TECPR2: variants seen among roughly 807,000 people sequenced by gnomAD.
The protein encoded by TECPR2 is tectonin beta-propeller repeat-containing protein 2.
In TECPR2, 65 loss-of-function variants were observed where a neutral mutation model predicts 138.1. The ratio of observed to expected loss-of-function variants is 0.47; its 90% CI spans 0.39 to 0.58. The LOEUF is 0.58. Among genes scored for constraint, TECPR2 ranks in the 20% least tolerant of loss-of-function variants. The probability of loss-of-function intolerance (pLI) is 0.00; values close to 1 mark genes in which losing one functional copy is unlikely to be tolerated. For missense variants in TECPR2, 1,553 were observed against 1,824.5 expected (o/e 0.85, Z 2.71); for synonymous variants, 746 against 749.8 (o/e 0.99, Z 0.08).
At chr14:102,386,851 G>T (rs1292824623) in intron 2 of TECPR2, among the ~76,000 whole-genome samples, 2 of 152,128 alleles carry the variant, frequency 1.3e-5, no homozygotes, top group African/African-American at 4.8e-5. Flanking sequence ...AGCTGGCTGG[G>T]TCTTAGAATC....
At chr14:102,380,930 G>A (rs1410102340) in intron 2 of TECPR2, among the ~76,000 whole-genome samples, 4 of 150,730 alleles carry the variant, frequency 2.7e-5, no homozygotes, top group Admixed American at 6.6e-5. Context: ...TGCCCGCCTC[G>A]GCCTCCCAAA....
At chr14:102,440,330 A>G (rs1221289070) in intron 10 of TECPR2, 106 bp from the exon 11 acceptor site, 2 of 1,447,472 alleles carry the variant, frequency 1.4e-6, no homozygotes, top group East Asian at 2.3e-5. Flanking sequence ...ACAGAACAGG[A>G]TGTGTTTTAG....
At chr14:102,404,134 G>A (rs1021375208) in intron 2 of TECPR2, among the ~76,000 whole-genome samples, 7 of 151,442 alleles carry the variant, frequency 4.6e-5, no homozygotes, top group Non-Finnish European at 1.0e-4. Context: ...GAACTCCTGG[G>A]CTCAAGTGAT....
At chr14:102,425,367 GGACCTCA>G (rs1423685497) in intron 6 of TECPR2, 76 bp downstream of exon 6, 1 of 1,446,176 alleles carries the variant, frequency 6.9e-7, no homozygotes, top group African/African-American at 1.4e-5. Context: ...TTCTACTCAG[GGACCTCA>G]GAATGCTACC....
chr14:102,492,804 G>A lies in TECPR2; in HGVS notation c.3790-4175G>A, dbSNP rs532958672. Among the ~76,000 whole-genome samples the A allele has an allele frequency of 1.2e-4, 18 of 152,374 alleles. No homozygotes were observed. In the South Asian group the frequency reaches 3.7e-3, roughly 32 times the overall value. ...GGGACGACTGGCAAGGCCAGGGTGA[G>A]GCTGGGCCCCGCTTGCTCTTCCCAC... On this transcript the variant is annotated intron_variant, in intron 17 of 19. Coordinates refer to ENST00000359520, the MANE Select transcript of TECPR2 (RefSeq NM_014844.5).
intron 2 of TECPR2, among the ~76,000 whole-genome samples, chr14:102,397,000 T>A (rs1888333247): frequency 6.6e-6 from 1 of 152,212 alleles, no homozygotes; most frequent in Non-Finnish European, 1.5e-5. Context: ...TCCTGCTCCC[T>A]TGCTTCACTT....
chr14:102,380,782 G>A (rs138188803), intron 2 of TECPR2, among the ~76,000 whole-genome samples: 4,008 of 152,248 alleles, frequency 0.026, 88 homozygotes, highest in South Asian at 0.097. Context: ...GGGTTCAAGC[G>A]ATTCTCATGC....
intron 6 of TECPR2, among the ~76,000 whole-genome samples, chr14:102,426,975 G>A (rs984986063): frequency 2.0e-5 from 3 of 152,198 alleles, no homozygotes; most frequent in Admixed American, 1.3e-4. Flanking sequence ...ACACTGGTTT[G>A]GCAGAAAGAA....
chr14:102,485,849 C>A (rs1410613281), intron 17 of TECPR2, among the ~76,000 whole-genome samples: 1 of 152,144 alleles, frequency 6.6e-6, no homozygotes, highest in African/African-American at 2.4e-5. Context: ...CTATCAGAGA[C>A]CAGGGTGTGT....
chr14:102,397,758 A>G (rs1196767611), intron 2 of TECPR2, among the ~76,000 whole-genome samples: 1 of 151,440 alleles, frequency 6.6e-6, no homozygotes, highest in East Asian at 1.9e-4. Flanking sequence ...AAATAAATAA[A>G]TAAATAAGAT....
chr14:102,495,992 C>T (rs1567365475), intron 17 of TECPR2, among the ~76,000 whole-genome samples: 2 of 152,212 alleles, frequency 1.3e-5, no homozygotes, highest in South Asian at 2.1e-4. Context: ...GAGCACTGTG[C>T]GGCCAGAGTG....
At chr14:102,436,186 A>G (rs533614666) in intron 9 of TECPR2, among the ~76,000 whole-genome samples, 1 of 152,368 alleles carries the variant, frequency 6.6e-6, no homozygotes, top group East Asian at 1.9e-4. Flanking sequence ...ACAAGGTCAC[A>G]TAGCAAATGA....
chr14:102,468,417 G>C (rs996651024), intron 17 of TECPR2, among the ~76,000 whole-genome samples: 1 of 152,138 alleles, frequency 6.6e-6, no homozygotes, highest in African/African-American at 2.4e-5. Flanking sequence ...TTGAACTCCT[G>C]ACCTTGTGAT....
chr14:102,466,271 A>C (rs1890548857), intron 17 of TECPR2, among the ~76,000 whole-genome samples: 1 of 152,156 alleles, frequency 6.6e-6, no homozygotes, highest in South Asian at 2.1e-4. Flanking sequence ...TCATGGCCAC[A>C]GGGAGGCTTC....
intron 2 of TECPR2, among the ~76,000 whole-genome samples, chr14:102,406,561 T>C (rs1888664962): frequency 6.6e-6 from 1 of 151,536 alleles, no homozygotes; most frequent in Non-Finnish European, 1.5e-5. Flanking sequence ...AAATTAAAAT[T>C]GGGGCATGAG....
intron 17 of TECPR2, chr14:102,465,491 GT>G: frequency 7.5e-7 from 1 of 1,337,692 alleles, no homozygotes. Context: ...TGAACAGACT[GT>G]TACAGATTAT....
intron 4 of TECPR2, among the ~76,000 whole-genome samples, chr14:102,414,334 A>G (rs1354058300): frequency 6.6e-6 from 1 of 152,220 alleles, no homozygotes; most frequent in Non-Finnish European, 1.5e-5. Context: ...TGAGCCTGCT[A>G]TGGTGCACAG....
At position 102,497,660 on chromosome 14, in the gene TECPR2, A is replaced by G. The variant is rs1170641259; in HGVS notation, c.4022A>G (p.Asp1341Gly). Reference sequence around the variant, plus strand: ...CTCGCCCGGCGGTACGGCGTCACAGACAAGAACCCCGCCGGGGACTACTGG... The same window carrying G: ...CTCGCCCGGCGGTACGGCGTCACAGGCAAGAACCCCGCCGGGGACTACTGG... Reference protein sequence around the residue: ...GDLARRYGVTDKNPAGDYWKK... With the variant: ...GDLARRYGVTGKNPAGDYWKK... The change falls in exon 19 of 20, where the codon GAC becomes GGC. Residue 1341 changes from aspartate (D) to glycine (G), a missense_variant. Transcript: ENST00000359520. The G allele has an allele frequency of 2.5e-6, 4 of 1,608,798 alleles. No homozygotes were observed. Among genetic ancestry groups the G allele is most frequent in the African/African-American group, 2.7e-5 (2 of 74,788 alleles).
At chr14:102,445,747 G>C (rs1889957596) in intron 12 of TECPR2, 59 bp from the exon 13 acceptor site, 1 of 1,565,582 alleles carries the variant, frequency 6.4e-7, no homozygotes, top group South Asian at 1.2e-5. Flanking sequence ...CCGCAGTCCA[G>C]ACACACTGGG....
Sources: allele counts gnomAD v4.1 joint callset (sites outside exome capture counted in the v4.1 genomes callset), GRCh38; gene constraint gnomAD v4.1.1; transcripts MANE v1.5; gene names NCBI Gene and HGNC (gene_info 2026-07-23, HGNC 2026-07-21).